The following PHLPP1 variants were observed in gnomAD, a reference collection of about 807,000 sequenced individuals.
The protein encoded by PHLPP1 is PH domain leucine-rich repeat-containing protein phosphatase 1.
A neutral mutation model predicts 117.2 loss-of-function variants in PHLPP1; 42 were observed. The observed-to-expected ratio is 0.36, with a 90% CI of 0.28 to 0.46. The LOEUF (loss-of-function observed/expected upper bound fraction) is 0.46. Among genes scored for constraint, PHLPP1 ranks in the 20% least tolerant of loss-of-function variants. The pLI is 1.00. For synonymous variants in PHLPP1, 1,042 were observed against 970.7 expected (o/e 1.07, Z -1.37); for missense variants, 2,084 against 2,241.9 (o/e 0.93, Z 1.42).
intron 1 of PHLPP1, among the ~76,000 whole-genome samples, chr18:62,764,181 A>C (rs112317663): frequency 5.7e-4 from 84 of 146,126 alleles, no homozygotes; most frequent in Middle Eastern, 3.5e-3. Context: ...AAAAAAAAAA[A>C]AACAACAACA....
intron 8 of PHLPP1, among the ~76,000 whole-genome samples, chr18:62,913,953 T>A (rs1287729690): frequency 1.3e-5 from 2 of 151,904 alleles, no homozygotes; most frequent in African/African-American, 4.8e-5. Flanking sequence ...ACCATGTTAG[T>A]CAGGCTTGTG....
chr18:62,885,863 T>A (rs1304982353), intron 4 of PHLPP1, among the ~76,000 whole-genome samples: 2 of 152,194 alleles, frequency 1.3e-5, no homozygotes, highest in East Asian at 3.9e-4. Context: ...AAGCCAAGTG[T>A]AGACAGTGAT....
chr18:62,876,233 C>T (rs1237174167), intron 4 of PHLPP1, among the ~76,000 whole-genome samples: 2 of 152,122 alleles, frequency 1.3e-5, no homozygotes, highest in African/African-American at 4.8e-5. Flanking sequence ...AAAAAAAAAT[C>T]TATGGTTTAT....
In PHLPP1 at chr18:62,912,302, T is replaced by TA. The variant is rs36028962; in HGVS notation, c.2709-2599dup. 2.7e-3 allele frequency among the ~76,000 whole-genome samples: 349 copies of TA among 131,498 alleles called. 1 individual carries two copies. Among genetic ancestry groups the TA allele is most frequent in the African/African-American group, 8.4e-3 (285 of 33,970 alleles). 86.3% of individuals were successfully genotyped at this position (131,498 alleles called of 152,430 possible). Reference sequence around the variant, plus strand: ...ATGTACCCTAAAACTTAGAGTATAATAAAAAAAAAAAATTAAAAAAAAAAT... The same window carrying TA: ...ATGTACCCTAAAACTTAGAGTATAATAAAAAAAAAAAAATTAAAAAAAAAAT... On this transcript the variant is annotated intron_variant, in intron 8 of 16. Transcript: ENST00000262719.
chr18:62,824,719 A>C (rs1410820575), intron 1 of PHLPP1, among the ~76,000 whole-genome samples: 1 of 152,240 alleles, frequency 6.6e-6, no homozygotes, highest in Non-Finnish European at 1.5e-5. Flanking sequence ...TCATGGCACT[A>C]GAAAAATACT....
chr18:62,966,894 C>A (rs892779711), intron 14 of PHLPP1, among the ~76,000 whole-genome samples: 1 of 152,174 alleles, frequency 6.6e-6, no homozygotes, highest in Non-Finnish European at 1.5e-5. Context: ...CAACCCCTGT[C>A]CTTGGCAACT....
intron 4 of PHLPP1, among the ~76,000 whole-genome samples, chr18:62,885,199 G>GT (rs1354345538): frequency 2.0e-5 from 3 of 152,150 alleles, no homozygotes; most frequent in Non-Finnish European, 2.9e-5. Flanking sequence ...GTGTATATTT[G>GT]TTTCTTTCTT....
At chr18:62,771,815 C>T (rs1246959709) in intron 1 of PHLPP1, among the ~76,000 whole-genome samples, 1 of 152,230 alleles carries the variant, frequency 6.6e-6, no homozygotes, top group East Asian at 1.9e-4. Flanking sequence ...GCACACTACT[C>T]TAGGCCTTCA....
chr18:62,746,494 A>G (rs1257798341), intron 1 of PHLPP1, among the ~76,000 whole-genome samples: 1 of 152,212 alleles, frequency 6.6e-6, no homozygotes, highest in African/African-American at 2.4e-5. Flanking sequence ...CACTATTTGA[A>G]TGATGTTCTT....
At chr18:62,722,794 A>G (rs1220551699) in intron 1 of PHLPP1, among the ~76,000 whole-genome samples, 2 of 152,220 alleles carry the variant, frequency 1.3e-5, no homozygotes, top group African/African-American at 4.8e-5. Context: ...AGTACTTAGG[A>G]AGAATAGACT....
chr18:62,778,335 T>C (rs1222476209), intron 1 of PHLPP1, among the ~76,000 whole-genome samples: 1 of 152,198 alleles, frequency 6.6e-6, no homozygotes, highest in African/African-American at 2.4e-5. Context: ...TTTTGGGTGC[T>C]ATGTTGTTTT....
intron 14 of PHLPP1, among the ~76,000 whole-genome samples, chr18:62,971,095 G>C (rs1020294729): frequency 5.3e-5 from 8 of 152,208 alleles, no homozygotes; most frequent in Non-Finnish European, 1.2e-4. Flanking sequence ...GAAGCCTGCT[G>C]TTGGGCACGT....
intron 10 of PHLPP1, among the ~76,000 whole-genome samples, chr18:62,940,399 C>T (rs1401277727): frequency 9.9e-6 from 1 of 101,240 alleles, no homozygotes; most frequent in Non-Finnish European, 1.8e-5. Context: ...GAATCTCGCT[C>T]TGTCGCCCAG....
chr18:62,898,276 TG>T (rs1916619186), intron 6 of PHLPP1, among the ~76,000 whole-genome samples: 1 of 152,212 alleles, frequency 6.6e-6, no homozygotes, highest in Non-Finnish European at 1.5e-5. Flanking sequence ...CAGAGTTCAG[TG>T]TCTTTCTTAC....
chr18:62,872,130 A>G (rs1871420539), intron 4 of PHLPP1, among the ~76,000 whole-genome samples: 1 of 152,232 alleles, frequency 6.6e-6, no homozygotes, highest in African/African-American at 2.4e-5. Flanking sequence ...ACAGATTTTT[A>G]CATGTGCATA....
At chr18:62,892,540 A>G (rs1916453444) in intron 4 of PHLPP1, among the ~76,000 whole-genome samples, 1 of 152,108 alleles carries the variant, frequency 6.6e-6, no homozygotes, top group South Asian at 2.1e-4. Context: ...GGTGTGCGGA[A>G]GAAAGTGGCA....
At chr18:62,953,280 A>G (rs1426729201) in intron 12 of PHLPP1, among the ~76,000 whole-genome samples, 1 of 152,220 alleles carries the variant, frequency 6.6e-6, no homozygotes, top group Non-Finnish European at 1.5e-5. Context: ...CTGCCTGCCC[A>G]GCCTTATCTT....
intron 1 of PHLPP1, among the ~76,000 whole-genome samples, chr18:62,720,849 G>A (rs568124173): frequency 1.1e-3 from 172 of 151,994 alleles, no homozygotes; most frequent in African/African-American, 4.0e-3. Flanking sequence ...CATCTTGAAG[G>A]GTTTTTACAT....
intron 2 of PHLPP1, chr18:62,838,488 G>A (rs1015128011): frequency 8.2e-6 from 2 of 245,164 alleles, no homozygotes; most frequent in Non-Finnish European, 1.6e-5. Context: ...AAGAACCCCA[G>A]CACCCTATTG....
Sources: allele counts gnomAD v4.1 joint callset (sites outside exome capture counted in the v4.1 genomes callset), GRCh38; gene constraint gnomAD v4.1.1; transcripts MANE v1.5; gene names NCBI Gene and HGNC (gene_info 2026-07-23, HGNC 2026-07-21).